The following CZIB variants were observed in gnomAD, a reference collection of about 807,000 sequenced individuals.
CZIB encodes UPF0587 protein C1orf123.
In CZIB, 26 loss-of-function variants were observed where a neutral mutation model predicts 28.3. The observed-to-expected ratio is 0.92, with a 90% CI of 0.67 to 1.27. CZIB has a LOEUF of 1.27. Among genes scored for constraint, CZIB ranks in the 50% most tolerant of loss-of-function variants. CZIB has a pLI of 0.00. For synonymous variants in CZIB, 78 were observed against 71.1 expected (o/e 1.10, Z -0.49); for missense variants, 179 against 197.3 (o/e 0.91, Z 0.56).
Position 53,220,571 on chromosome 1 carries a change from C to G in CZIB, c.5G>C (p.Gly2Ala), listed in dbSNP as rs1292881298. M[G>A]KIALQLKATL... ...CCGCGGCGGGCGGCCTCCCCTCACC[C>G]CCATGGTAGCCCTCTCCGCCCGGTG... Residue 2 changes from glycine (G) to alanine (A), a missense_variant and splice_region_variant, in exon 1 of 8, where the codon GGG becomes GCG. By Grantham distance (60) the Gly-to-Ala change is moderately conservative (BLOSUM62 0). Coordinates refer to ENST00000294360, the MANE Select transcript of CZIB (RefSeq NM_017887.3). 1 of 1,598,548 alleles carries G rather than the reference C, an allele frequency of 6.3e-7. No individual in the cohort carries two copies. Among genetic ancestry groups the G allele is most frequent in the East Asian group, 2.2e-5 (1 of 44,854 alleles).
chr1:53,219,679 A>T (rs932593168), intron 2 of CZIB: 1 of 152,692 alleles, frequency 6.5e-6, no homozygotes, highest in African/African-American at 2.4e-5. Flanking sequence ...CAGGCTTCAA[A>T]ATCCTGGGAA....
Position 53,218,923 on chromosome 1 carries a change from T to A in CZIB, c.91A>T (p.Met31Leu). The change falls in exon 3 of 8, where the codon ATG becomes TTG. Residue 31 changes from methionine (M) to leucine (L), a missense_variant and splice_region_variant. Transcript: ENST00000294360. ...ATCTCACCACAGTTGCCACATTTCATCTTTGGGGAAAAAGAATGTTAGTAA... is the reference window on the plus strand; with the variant it reads ...ATCTCACCACAGTTGCCACATTTCAACTTTGGGGAAAAAGAATGTTAGTAA... The part of the protein sequence containing the change: ...VGEDFRWYLK[M>L]KCGNCGEISD... 6.2e-7 allele frequency: 1 copy of A among 1,613,602 alleles called. No homozygotes were observed. Among genetic ancestry groups the A allele is most frequent in the South Asian group, 1.1e-5 (1 of 91,066 alleles).
intron 7 of CZIB, among the ~76,000 whole-genome samples, chr1:53,215,017 TGAAA>T (rs1645461205): frequency 6.6e-6 from 1 of 152,146 alleles, no homozygotes; most frequent in African/African-American, 2.4e-5. Flanking sequence ...TATTGAATGT[TGAAA>T]GAATCAAATG....
At chr1:53,216,537 T>G (rs1476391766) in intron 6 of CZIB, among the ~76,000 whole-genome samples, 1 of 152,240 alleles carries the variant, frequency 6.6e-6, no homozygotes, top group Non-Finnish European at 1.5e-5. Flanking sequence ...ATCTCTTCAG[T>G]TCCTTCCTCA....
rs1645459770 is a variant in CZIB at position 53,214,862 on chromosome 1, G to C, written c.406-126C>G. 4.3e-6 allele frequency: 3 copies of C among 691,908 alleles called. No homozygotes were observed. The South Asian group carries it at 5.5e-5, about 13-fold the overall frequency. 42.9% of individuals were successfully genotyped at this position (691,908 alleles called of 1,614,324 possible). On this transcript the variant is annotated intron_variant, in intron 7 of 7. Transcript: ENST00000294360. ...AATAATCATGAACATGTATGACCCT[G>C]AACAGAGCCAGATAGCTCAGGCCTG...
chr1:53,216,184 C>G (rs2297664), intron 6 of CZIB, 128 bp from the exon 7 acceptor site: 5 of 816,028 alleles, frequency 6.1e-6, no homozygotes, highest in Non-Finnish European at 1.0e-5. Flanking sequence ...GTATGAGTAC[C>G]TGTCTTGGAA....
rs1380866185 is a variant in CZIB at position 53,214,324 on chromosome 1, G to C, written c.*335C>G. 1.7e-5 allele frequency: 4 copies of C among 241,372 alleles called. No individual in the cohort carries two copies. Among genetic ancestry groups the C allele is most frequent in the Non-Finnish European group, 3.2e-5 (4 of 123,304 alleles). The allele number at this position is 241,372 out of a possible 1,614,324, so 15.0% of individuals were successfully genotyped here. A position where few individuals can be genotyped will look rare whatever the true frequency, so the allele number is the denominator to read the frequency against. On this transcript the variant is annotated 3_prime_UTR_variant, in exon 8 of 8. Transcript: ENST00000294360. ...TGGCTCATTGAGTGATGGTGGGATC[G>C]CGGTTTCATCTCTGTAAACTTGCCC...
chr1:53,217,221 A>C (rs1407866697), intron 5 of CZIB: 16 of 205,038 alleles, frequency 7.8e-5, no homozygotes. Context: ...AGTGCCCAGC[A>C]CAGTGCTCAA....
intron 2 of CZIB, 172 bp downstream of exon 2, chr1:53,220,089 A>C: frequency 1.6e-6 from 1 of 608,294 alleles, no homozygotes; most frequent in Non-Finnish European, 2.8e-6. Context: ...ACTGCCAATT[A>C]GAGATAAACC....
chr1:53,214,797 A>G, intron 7 of CZIB, 61 bp from the exon 8 acceptor site: 1 of 1,446,518 alleles, frequency 6.9e-7, no homozygotes, highest in Non-Finnish European at 9.7e-7. Context: ...TGGAGAGCAG[A>G]AAACTGGGAC....
intron 3 of CZIB, 85 bp from the exon 4 acceptor site, chr1:53,218,580 C>G: frequency 7.4e-7 from 1 of 1,349,590 alleles, no homozygotes; most frequent in Non-Finnish European, 1.0e-6. Flanking sequence ...TTATTGTCCA[C>G]TTAAAGAGAC....
At chr1:53,217,376 T>C (rs1645481241) in intron 5 of CZIB, 2 of 154,874 alleles carry the variant, frequency 1.3e-5, no homozygotes, top group African/African-American at 4.8e-5. Flanking sequence ...GAGGGCTGTC[T>C]TATAGCCTTT....
intron 2 of CZIB, chr1:53,219,314 T>C (rs558289063): frequency 6.1e-5 from 14 of 230,062 alleles, no homozygotes; most frequent in Admixed American, 1.5e-4. Flanking sequence ...TAGCTGACAA[T>C]AATATATAGT....
At position 53,217,231 on chromosome 1, in the gene CZIB, A is replaced by C. The variant is rs568732642; in HGVS notation, c.262-372T>G. 9 of 177,354 alleles carry C rather than the reference A, an allele frequency of 5.1e-5. No homozygotes were observed. The East Asian group carries it at 1.4e-3, about 27-fold the overall frequency. 11.0% of individuals were successfully genotyped at this position (177,354 alleles called of 1,614,324 possible). ...TATAAAGTGCCCAGCACAGTGCTCA[A>C]TAAATAGTAAATAAAATTATCAACA... On this transcript the variant is annotated intron_variant, in intron 5 of 7. Coordinates refer to ENST00000294360, the MANE Select transcript of CZIB (RefSeq NM_017887.3).
chr1:53,218,549 TG>T (rs1645489516), intron 3 of CZIB, 54 bp from the exon 4 acceptor site: 1 of 1,553,844 alleles, frequency 6.4e-7, no homozygotes. Context: ...TGTACAGTCC[TG>T]AGGAGATCGA....
At position 53,218,196 on chromosome 1, in the gene CZIB, T is replaced by C; in HGVS notation, c.237A>G (p.Leu79=). ...CATTGTAAGGCTTGATGGTGCTGCT[T>C]AAAATCTCTGAAATAGAAAAGAGAA... is the stretch of plus-strand genomic sequence containing the variant. ...LCARENSIEI[L]SSTIKPYNAE... Residue 79 remains leucine, a synonymous_variant, in exon 5 of 8, where the codon TTA becomes TTG. Coordinates refer to ENST00000294360, the MANE Select transcript of CZIB (RefSeq NM_017887.3). 2 of 1,614,126 alleles carry C rather than the reference T, an allele frequency of 1.2e-6. No individual in the cohort carries two copies. The highest frequency in any genetic ancestry group is 4.5e-5 in the East Asian group (2 of 44,886).
Position 53,220,568 on chromosome 1 carries a change from AC to A in CZIB, c.6+1del, listed in dbSNP as rs1557723978. 1.9e-6 allele frequency: 3 copies of A among 1,595,574 alleles called. No homozygotes were observed. The highest frequency in any genetic ancestry group is 2.5e-6 in the Non-Finnish European group (3 of 1,178,730). On this transcript the variant is annotated splice_donor_variant, in intron 1 of 7. Coordinates refer to ENST00000294360, the MANE Select transcript of CZIB (RefSeq NM_017887.3). LOFTEE classifies it high-confidence loss of function. ...TCCCCGCGGCGGGCGGCCTCCCCTC[AC>A]CCCCATGGTAGCCCTCTCCGCCCGG...
rs1645489981 is a variant in CZIB, at chr1:53,218,608, A to AACTT, written c.148-117_148-114dup. ...AAAGAGACCAAGACCCAGAAAGGGT[A>AACTT]ACTTACTAGGACAAGACTCCTGGGA... is the stretch of plus-strand genomic sequence containing the variant. On this transcript the variant is annotated intron_variant, in intron 3 of 7. Coordinates refer to ENST00000294360, the MANE Select transcript of CZIB (RefSeq NM_017887.3). 15 of 1,117,786 alleles carry AACTT rather than the reference A, an allele frequency of 1.3e-5. 1 individual carries two copies. In the South Asian group the frequency reaches 2.0e-4, roughly 15 times the overall value. The allele number at this position is 1,117,786 out of a possible 1,614,324, so 69.2% of individuals were successfully genotyped here.
At chr1:53,215,128 T>G in intron 7 of CZIB, among the ~76,000 whole-genome samples, 1 of 152,054 alleles carries the variant, frequency 6.6e-6, no homozygotes, top group East Asian at 1.9e-4. Flanking sequence ...TCATTTCAGG[T>G]CAGGGGTCCG....
Sources: allele counts gnomAD v4.1 joint callset (sites outside exome capture counted in the v4.1 genomes callset), GRCh38; gene constraint gnomAD v4.1.1; transcripts MANE v1.5; gene names NCBI Gene and HGNC (gene_info 2026-07-23, HGNC 2026-07-21).